The following MYBPC3 variants were observed in gnomAD, a reference collection of about 807,000 sequenced individuals.
MYBPC3 encodes the protein myosin binding protein C3.
A neutral mutation model predicts 159.3 loss-of-function variants in MYBPC3; 108 were observed. That is an observed-to-expected ratio of 0.68 (90% CI 0.58 to 0.80). MYBPC3 has a LOEUF of 0.80. Ranked by LOEUF, MYBPC3 falls within the 30% of genes least tolerant of loss-of-function variation. The pLI is 0.00. For missense variants in MYBPC3, 1,631 were observed against 1,762.1 expected (o/e 0.93, Z 1.33); for synonymous variants, 730 against 702.0 (o/e 1.04, Z -0.63).
Position 47,333,657 on chromosome 11 carries a change from C to T in MYBPC3, c.3090G>A (p.Leu1030=), listed in dbSNP as rs770351760. The change falls in exon 29 of 35, where the codon CTG becomes CTA. Residue 1030 remains leucine (L), a synonymous_variant. Transcript: ENST00000545968. The part of the protein sequence containing the change: ...SIRNSPTDTI[L]FIRAARRVHS... ...GCACGCGGCGAGCGGCCCGGATGAACAGGATGGTGTCTGTGGGGCTGTTGC... is the reference window on the plus strand; with the variant it reads ...GCACGCGGCGAGCGGCCCGGATGAATAGGATGGTGTCTGTGGGGCTGTTGC... 11 of 1,610,818 alleles carry T rather than the reference C, an allele frequency of 6.8e-6. No homozygotes were observed. Among genetic ancestry groups the T allele is most frequent in the East Asian group, 2.2e-5 (1 of 44,888 alleles).
In MYBPC3 at chr11:47,332,264, A is replaced by G. The variant is rs1057520329; in HGVS notation, c.3628-6T>C. On this transcript the variant is annotated splice_region_variant and splice_polypyrimidine_tract_variant and intron_variant, in intron 32 of 34. Coordinates refer to ENST00000545968, the MANE Select transcript of MYBPC3 (RefSeq NM_000256.3). This position sits in a 1 kb window ranked among gnomAD's most constrained non-coding sequence, Gnocchi z 4.2. ...TTGAACCAGGAAATCTTGGGCTATA[A>G]ATAAGGTAAAGAGAGGGAGGGAAGC... 7 of 1,613,440 alleles carry G rather than the reference A, an allele frequency of 4.3e-6. No homozygotes were observed. Among genetic ancestry groups the G allele is most frequent in the Middle Eastern group, 1.6e-4 (1 of 6,082 alleles).
chr11:47,339,904 A>T, intron 20 of MYBPC3, 114 bp from the exon 21 acceptor site: 1 of 1,178,868 alleles, frequency 8.5e-7, no homozygotes, highest in Non-Finnish European at 1.2e-6. Flanking sequence ...TTAGATTTGT[A>T]TTGAGGTATA....
intron 33 of MYBPC3, 73 bp from the exon 34 acceptor site, chr11:47,331,954 G>A (rs1023496398): frequency 2.3e-5 from 36 of 1,595,456 alleles, no homozygotes; most frequent in Non-Finnish European, 2.9e-5. Context: ...GGCGTGGCAG[G>A]GTCCGTGCCC....
At chr11:47,348,908 T>TTGTATATATATATATATATATATA (rs1555123222) in intron 5 of MYBPC3, among the ~76,000 whole-genome samples, 3 of 39,884 alleles carry the variant, frequency 7.5e-5, no homozygotes, top group Non-Finnish European at 1.1e-4. Context: ...CTGTCTCAAA[T>TTGTATATATATATATATATATATA]TATATATATA....
intron 6 of MYBPC3, 65 bp downstream of exon 6, chr11:47,348,359 A>G: frequency 1.6e-6 from 2 of 1,215,340 alleles, no homozygotes; most frequent in South Asian, 1.3e-5. Context: ...GTGTTGGGAA[A>G]AGGAGGTAGG....
chr11:47,346,487 T>C lies in MYBPC3; in HGVS notation c.927-117A>G. The stretch of plus-strand genomic sequence containing the variant: ...CCCTGTCCCTCTGCCCCTTCCCTTC[T>C]GGTGGGGCAGCTGGAGCTGCTCTGG... On this transcript the variant is annotated intron_variant, in intron 11 of 34. Coordinates refer to ENST00000545968, the MANE Select transcript of MYBPC3 (RefSeq NM_000256.3). The surrounding 1 kb of genome is among the most constrained non-coding windows in gnomAD (Gnocchi z 5.3). 6.9e-7 allele frequency: 1 copy of C among 1,448,258 alleles called. No individual in the cohort carries two copies. The allele number at this position is 1,448,258 out of a possible 1,614,324, so 89.7% of individuals were successfully genotyped here. A position where few individuals can be genotyped will look rare whatever the true frequency, so the allele number is the denominator to read the frequency against.
rs113628269 is a variant in MYBPC3 at position 47,343,149 on chromosome 11, G to C, written c.1227-4C>G. ...ACCGATGGACTCAAAGATGTACCTGGGTGGGGGCCGCAGGGAAGTGGCAGG... is the reference window on the plus strand; with the variant it reads ...ACCGATGGACTCAAAGATGTACCTGCGTGGGGGCCGCAGGGAAGTGGCAGG... On this transcript the variant is annotated splice_region_variant and splice_polypyrimidine_tract_variant and intron_variant, in intron 14 of 34. Transcript: ENST00000545968. 5 of 1,609,640 alleles carry C rather than the reference G, an allele frequency of 3.1e-6. No individual in the cohort carries two copies. Among genetic ancestry groups the C allele is most frequent in the Non-Finnish European group, 4.2e-6 (5 of 1,177,962 alleles).
At chr11:47,340,522 C>G (rs1180829031) in intron 20 of MYBPC3, among the ~76,000 whole-genome samples, 1 of 152,148 alleles carries the variant, frequency 6.6e-6, no homozygotes, top group African/African-American at 2.4e-5. Flanking sequence ...AAATAATTAG[C>G]TGGGCATGGT....
Position 47,335,204 on chromosome 11 carries a change from C to T in MYBPC3, c.2743G>A (p.Glu915Lys), listed in dbSNP as rs1196535619. ...AGCCCCTGCAGGGCAGCCACCCACTCTGAGCCTGGGGGTGGGGAGGGGGAG... is the reference window on the plus strand; with the variant it reads ...AGCCCCTGCAGGGCAGCCACCCACTTTGAGCCTGGGGGTGGGGAGGGGGAG... ...SVEYCPEGCS[E>K]WVAALQGLTE... Residue 915 changes from glutamate to lysine, a missense_variant, in exon 27 of 35, where the codon GAG becomes AAG. Coordinates refer to ENST00000545968, the MANE Select transcript of MYBPC3 (RefSeq NM_000256.3). The T allele has an allele frequency of 6.3e-7, 1 of 1,591,630 alleles. No homozygotes were observed. Among genetic ancestry groups the T allele is most frequent in the Admixed American group, 1.7e-5 (1 of 58,540 alleles).
At chr11:47,349,345 G>A (rs1459476440) in intron 5 of MYBPC3, among the ~76,000 whole-genome samples, 2 of 152,118 alleles carry the variant, frequency 1.3e-5, no homozygotes, top group African/African-American at 4.8e-5. Context: ...GTATAATGAG[G>A]AATTGTTCTG....
rs727503219 is a variant in MYBPC3 at position 47,350,009 on chromosome 11, C to T, written c.505+5G>A. The T allele has an allele frequency of 6.4e-7, 1 of 1,560,502 alleles. No homozygotes were observed. The highest frequency in any genetic ancestry group is 8.7e-7 in the Non-Finnish European group (1 of 1,152,404). On this transcript the variant is annotated splice_donor_5th_base_variant and intron_variant, in intron 4 of 34. Coordinates refer to ENST00000545968, the MANE Select transcript of MYBPC3 (RefSeq NM_000256.3). ...CCAATGCTGGGCACAGCAGCTCACA[C>T]TCACCCACGGTCACCTCGCCATCCT... is the stretch of plus-strand genomic sequence containing the variant.
At position 47,340,186 on chromosome 11, in the gene MYBPC3, GACAC is replaced by G. The variant is rs374582885; in HGVS notation, c.1928-400_1928-397del. ...ATACACATACACACATGCACACACA[GACAC>G]ACACATGCACACAGACACAAATACA... On this transcript the variant is annotated intron_variant, in intron 20 of 34. Transcript: ENST00000545968. 2.7e-3 allele frequency among the ~76,000 whole-genome samples: 390 copies of G among 146,388 alleles called. 3 individuals carry two copies. Among genetic ancestry groups the G allele is most frequent in the African/African-American group, 8.2e-3 (306 of 37,260 alleles).
At chr11:47,334,111 A>AGCTGC in intron 27 of MYBPC3, 101 bp from the exon 28 acceptor site, 4 of 1,203,388 alleles carry the variant, frequency 3.3e-6, no homozygotes, top group African/African-American at 1.5e-5. Context: ...AGCTGCAGCT[A>AGCTGC]AGAAAAAAGC....
chr11:47,337,322 C>T (rs2142854992), intron 25 of MYBPC3, 69 bp downstream of exon 25: 1 of 1,470,046 alleles, frequency 6.8e-7, no homozygotes, highest in Admixed American at 2.0e-5. Flanking sequence ...GCCTGCAGAG[C>T]ACCTGCTATT....
chr11:47,337,845 G>C, intron 23 of MYBPC3, 51 bp from the exon 24 acceptor site: 5 of 1,482,984 alleles, frequency 3.4e-6, no homozygotes, highest in Non-Finnish European at 4.6e-6. Context: ...TCAGGGCCTT[G>C]AGTAACGTTG....
chr11:47,340,906 T>C, intron 20 of MYBPC3, 97 bp downstream of exon 20: 1 of 1,349,942 alleles, frequency 7.4e-7, no homozygotes, highest in Non-Finnish European at 9.8e-7. Flanking sequence ...CCCCCACTTT[T>C]GATCCTTGCT....
In MYBPC3 at chr11:47,331,871, TCACTGAGG is replaced by T; in HGVS notation, c.3817_3824del (p.Pro1273ThrfsTer36). The T allele has an allele frequency of 6.2e-7, 1 of 1,610,010 alleles. No individual in the cohort carries two copies. Among genetic ancestry groups the T allele is most frequent in the Non-Finnish European group, 8.5e-7 (1 of 1,178,528 alleles). ...TGGCCATCCCCAGGAGCCAGCCTGG[TCACTGAGG>T]CACTGCAGAAGAGGAGGCCATGTCA... On this transcript the variant is annotated frameshift_variant and stop_lost and splice_region_variant, in exon 34 of 35. Coordinates refer to ENST00000545968, the MANE Select transcript of MYBPC3 (RefSeq NM_000256.3). LOFTEE classifies it high-confidence loss of function.
Position 47,350,483 on chromosome 11 carries a change from C to A in MYBPC3, c.406+19G>T. ...GCCCTACCCACGGATCCTGCCCCTC[C>A]CTGCCCAGCCCCTCTCACCTTTGGG... On this transcript the variant is annotated intron_variant, in intron 3 of 34. Coordinates refer to ENST00000545968, the MANE Select transcript of MYBPC3 (RefSeq NM_000256.3). 6.5e-7 allele frequency: 1 copy of A among 1,548,052 alleles called. No individual in the cohort carries two copies. Among genetic ancestry groups the A allele is most frequent in the Non-Finnish European group, 8.7e-7 (1 of 1,148,230 alleles).
At position 47,340,728 on chromosome 11, in the gene MYBPC3, A is replaced by G. The variant is rs2596406; in HGVS notation, c.1927+275T>C. ...AAAGATGTAATAATAACAGTCACAC[A>G]TGTGACAGCACTTGACAGGTCTGAT... On this transcript the variant is annotated intron_variant, in intron 20 of 34. Coordinates refer to ENST00000545968, the MANE Select transcript of MYBPC3 (RefSeq NM_000256.3). Among the ~76,000 whole-genome samples, 151,486 of 152,358 alleles carry G rather than the reference A, an allele frequency of 0.99. 75,313 individuals are homozygous for G. Among genetic ancestry groups the G allele is most frequent in the Middle Eastern group, 1 (294 of 294 alleles).
Sources: allele counts gnomAD v4.1 joint callset (sites outside exome capture counted in the v4.1 genomes callset), GRCh38; gene constraint gnomAD v4.1.1; non-coding constraint Gnocchi (gnomAD v3.1); transcripts MANE v1.5; gene names NCBI Gene and HGNC (gene_info 2026-07-23, HGNC 2026-07-21).